Variants in MAN1A1 observed in about 807,000 individuals in gnomAD.
MAN1A1 encodes the protein mannosidase alpha class 1A member 1, also known as mannosyl-oligosaccharide 1,2-alpha-mannosidase IA.
A neutral mutation model predicts 70.8 loss-of-function variants in MAN1A1; 29 were observed. That is an observed-to-expected ratio of 0.41 (90% CI 0.31 to 0.56). The LOEUF (loss-of-function observed/expected upper bound fraction) is 0.56, where lower values mean the gene tolerates loss of function less well. Among genes scored for constraint, MAN1A1 ranks in the 20% least tolerant of loss-of-function variants. The pLI is 0.29. For missense variants in MAN1A1, 747 were observed against 841.3 expected, an observed-to-expected ratio of 0.89 and a Z score of 1.39; for synonymous variants, 349 against 330.1, an observed-to-expected ratio of 1.06 and a Z score of -0.62.
chr6:119,324,994 T>C (rs1024524134), intron 2 of MAN1A1, among the ~76,000 whole-genome samples: 1 of 152,200 alleles, frequency 6.6e-6, no homozygotes, highest in African/African-American at 2.4e-5. Flanking sequence ...CTGGCAAATG[T>C]ACCCTGGGAA....
chr6:119,255,653 A>G (rs527608074), intron 5 of MAN1A1, among the ~76,000 whole-genome samples: 1 of 152,364 alleles, frequency 6.6e-6, no homozygotes, highest in East Asian at 1.9e-4. Context: ...TGAAGTTCAG[A>G]GAGGGCCTAT....
chr6:119,211,156 A>G (rs1774040399), intron 6 of MAN1A1, among the ~76,000 whole-genome samples: 1 of 152,222 alleles, frequency 6.6e-6, no homozygotes, highest in South Asian at 2.1e-4. Flanking sequence ...TGTAAGAGTT[A>G]AACACATATT....
intron 2 of MAN1A1, among the ~76,000 whole-genome samples, chr6:119,331,742 C>T (rs1773322018): frequency 6.6e-6 from 1 of 152,036 alleles, no homozygotes; most frequent in Non-Finnish European, 1.5e-5. Context: ...CTGCCACAAG[C>T]TGGGGTGGAA....
chr6:119,333,271 G>A (rs920118887), intron 2 of MAN1A1, among the ~76,000 whole-genome samples: 1 of 152,158 alleles, frequency 6.6e-6, no homozygotes, highest in Admixed American at 6.5e-5. Context: ...AATTCTAAAA[G>A]GTAGGAGTGA....
intron 5 of MAN1A1, among the ~76,000 whole-genome samples, chr6:119,288,705 A>T (rs746040095): frequency 6.6e-6 from 1 of 151,982 alleles, no homozygotes; most frequent in Non-Finnish European, 1.5e-5. Context: ...TAGCAATATT[A>T]TTCAAAATAA....
chr6:119,253,639 T>C (rs1350337883), intron 5 of MAN1A1, among the ~76,000 whole-genome samples: 2 of 152,234 alleles, frequency 1.3e-5, no homozygotes, highest in Non-Finnish European at 2.9e-5. Flanking sequence ...AACTTATTTC[T>C]TGTTGGCAAA....
chr6:119,343,967 C>T (rs1773663994), intron 2 of MAN1A1, among the ~76,000 whole-genome samples: 1 of 152,178 alleles, frequency 6.6e-6, no homozygotes, highest in Admixed American at 6.5e-5. Context: ...CGGACACATG[C>T]TTAAAATTCT....
intron 6 of MAN1A1, among the ~76,000 whole-genome samples, chr6:119,210,583 G>A (rs942685549): frequency 6.6e-6 from 1 of 151,902 alleles, no homozygotes; most frequent in Non-Finnish European, 1.5e-5. Flanking sequence ...GATATATTCC[G>A]ATTTATTTAA....
At position 119,179,866 on chromosome 6, in the gene MAN1A1, G is replaced by C; in HGVS notation, c.1915C>G (p.Pro639Ala). ...TCCTTTTTATCTTTAGGGAGGATAG[G>C]GAGAAGATGTGCCTCGCTATTGAAG... ...WIFNSEAHLL[P>A]ILPKDKKEVE... is the part of the protein sequence containing the mutation. Residue 639 changes from proline to alanine, a missense_variant, in exon 13 of 13, where the codon CCT (proline) becomes GCT (alanine). By Grantham distance (27) the Pro-to-Ala change is conservative (BLOSUM62 -1). Coordinates refer to ENST00000368468, the MANE Select transcript of MAN1A1 (RefSeq NM_005907.4). The C allele has an allele frequency of 6.2e-7, 1 of 1,612,644 alleles. No homozygotes were observed. Among genetic ancestry groups the C allele is most frequent in the Non-Finnish European group, 8.5e-7 (1 of 1,178,762 alleles).
chr6:119,312,750 T>C (rs1267165888), intron 2 of MAN1A1, among the ~76,000 whole-genome samples: 2 of 152,308 alleles, frequency 1.3e-5, no homozygotes, highest in East Asian at 1.9e-4. Flanking sequence ...TCAAAAAGAA[T>C]AACCCATTTT....
At chr6:119,183,459 A>G (rs1773206744) in intron 11 of MAN1A1, among the ~76,000 whole-genome samples, 1 of 151,954 alleles carries the variant, frequency 6.6e-6, no homozygotes, top group African/African-American at 2.4e-5. Context: ...GCCAAAAATT[A>G]TTGGTTAAAA....
chr6:119,285,778 G>A (rs1339316366), intron 5 of MAN1A1, among the ~76,000 whole-genome samples: 1 of 152,016 alleles, frequency 6.6e-6, no homozygotes, highest in Non-Finnish European at 1.5e-5. Context: ...GGGTGCTAAT[G>A]TATTTCTGGT....
At chr6:119,279,876 C>T (rs1392848864) in intron 5 of MAN1A1, among the ~76,000 whole-genome samples, 2 of 152,208 alleles carry the variant, frequency 1.3e-5, no homozygotes, top group East Asian at 1.9e-4. Flanking sequence ...TATCCTATTA[C>T]TCTACTGAAG....
intron 5 of MAN1A1, among the ~76,000 whole-genome samples, chr6:119,282,667 T>C (rs1292526796): frequency 5.3e-5 from 8 of 152,134 alleles, no homozygotes; most frequent in African/African-American, 1.9e-4. Context: ...TAATGCCAAA[T>C]AGTAAATTAA....
chr6:119,349,016 A>C lies in MAN1A1; in HGVS notation c.50T>G (p.Val17Gly), dbSNP rs2114521076. 2 of 1,374,940 alleles carry C rather than the reference A, an allele frequency of 1.5e-6. No homozygotes were observed. Among genetic ancestry groups the C allele is most frequent in the Non-Finnish European group, 1.9e-6 (2 of 1,060,158 alleles). The allele number at this position is 1,374,940 out of a possible 1,614,324, so 85.2% of individuals were successfully genotyped here. A position where few individuals can be genotyped will look rare whatever the true frequency, so the allele number is the denominator to read the frequency against. The change falls in exon 2 of 13, where the codon GTC (valine) becomes GGC (glycine). Residue 17 changes from valine (V) to glycine (G), a missense_variant. Coordinates refer to ENST00000368468, the MANE Select transcript of MAN1A1 (RefSeq NM_005907.4). ...LPLFSSPAGGVLGGGLGGGGG... is the reference protein window; with the variant it reads ...LPLFSSPAGGGLGGGLGGGGG... ...GCCGCCGCCGAGCCCCCCGCCCAGG[A>C]CGCCGCCCGCGGGGCTGCTGAAGAG...
chr6:119,275,596 G>A (rs1221408324), intron 5 of MAN1A1, among the ~76,000 whole-genome samples: 4 of 139,492 alleles, frequency 2.9e-5, no homozygotes, highest in African/African-American at 5.4e-5. Flanking sequence ...GTGAGCCACC[G>A]CGCCCGGCCT....
At chr6:119,233,702 T>C (rs1163812936) in intron 6 of MAN1A1, among the ~76,000 whole-genome samples, 1 of 152,164 alleles carries the variant, frequency 6.6e-6, no homozygotes, top group Non-Finnish European at 1.5e-5. Flanking sequence ...CAGACATACA[T>C]TGCTCCCATC....
At position 119,236,796 on chromosome 6, in the gene MAN1A1, T is replaced by A. The variant is rs202193887; in HGVS notation, c.992+11464A>T. ...ATTAGGCTATAGCTGCCATAGACAG[T>A]GATTCCTCTGATGGATCTAGGCAAA... On this transcript the variant is annotated intron_variant, in intron 6 of 12. Coordinates refer to ENST00000368468, the MANE Select transcript of MAN1A1 (RefSeq NM_005907.4). Among the ~76,000 whole-genome samples the A allele has an allele frequency of 9.9e-5, 15 of 151,922 alleles. No homozygotes were observed. In the East Asian group the frequency reaches 2.9e-3, roughly 29 times the overall value.
intron 5 of MAN1A1, among the ~76,000 whole-genome samples, chr6:119,251,636 T>G (rs1775320205): frequency 6.6e-6 from 1 of 152,234 alleles, no homozygotes; most frequent in Non-Finnish European, 1.5e-5. Flanking sequence ...GAGAGAGATC[T>G]CTGAACGTTT....
Sources: allele counts gnomAD v4.1 joint callset (sites outside exome capture counted in the v4.1 genomes callset), GRCh38; gene constraint gnomAD v4.1.1; transcripts MANE v1.5; gene names NCBI Gene and HGNC (gene_info 2026-07-23, HGNC 2026-07-21).